Variants in PDE1C observed in about 807,000 individuals in gnomAD.
The protein encoded by PDE1C is dual specificity calcium/calmodulin-dependent 3',5'-cyclic nucleotide phosphodiesterase 1C.
In PDE1C, 62 loss-of-function variants were observed where a neutral mutation model predicts 93.1. That is an observed-to-expected ratio of 0.67 (90% CI 0.54 to 0.82). The LOEUF (loss-of-function observed/expected upper bound fraction) is 0.82. Among genes scored for constraint, PDE1C ranks in the 40% least tolerant of loss-of-function variants. The pLI is 0.00. For missense variants in PDE1C, 742 were observed against 884.6 expected, an observed-to-expected ratio of 0.84 and a Z score of 2.04; for synonymous variants, 325 against 310.1, an observed-to-expected ratio of 1.05 and a Z score of -0.50.
intron 1 of PDE1C, among the ~76,000 whole-genome samples, chr7:32,390,400 G>A (rs1210629324): frequency 1.3e-5 from 2 of 152,106 alleles, no homozygotes; most frequent in Non-Finnish European, 1.5e-5. Context: ...ACCTGGGGGC[G>A]CTACTGGCAT....
chr7:32,086,250 C>T (rs1243069685), intron 3 of PDE1C, among the ~76,000 whole-genome samples: 7 of 149,180 alleles, frequency 4.7e-5, no homozygotes, highest in Admixed American at 4.7e-4. Context: ...AACTCCCATT[C>T]ACAATTGCTT....
chr7:31,895,562 A>G (rs1799181407), intron 2 of PDE1C, among the ~76,000 whole-genome samples: 1 of 143,560 alleles, frequency 7.0e-6, no homozygotes, highest in Non-Finnish European at 1.5e-5. Context: ...GAATTGGATT[A>G]TTATTAGTTT....
chr7:31,946,912 T>C lies in PDE1C; in HGVS notation c.129-66052A>G, dbSNP rs1216823446. 2.0e-5 allele frequency among the ~76,000 whole-genome samples: 3 copies of C among 152,212 alleles called. No homozygotes were observed. The East Asian group carries it at 5.8e-4, about 29-fold the overall frequency. ...ATTTTCTGTTGAAGGCAGAACACAC[T>C]GTATCAGGCAGGAGGAACTGAAGTA... On this transcript the variant is annotated intron_variant, in intron 2 of 17. Transcript: ENST00000396191.
intron 1 of PDE1C, among the ~76,000 whole-genome samples, chr7:32,373,457 G>A (rs115393903): frequency 0.01 from 1,597 of 152,300 alleles, 18 homozygotes; most frequent in African/African-American, 0.036. Flanking sequence ...CCTAGAGCAG[G>A]TATAGGGAGA....
intron 16 of PDE1C, among the ~76,000 whole-genome samples, chr7:31,791,255 G>A (rs781123442): frequency 6.6e-6 from 1 of 152,084 alleles, no homozygotes; most frequent in Non-Finnish European, 1.5e-5. Flanking sequence ...GCTTCCTGCT[G>A]TTCCTCTAAC....
At chr7:31,971,831 G>A (rs183123968) in intron 2 of PDE1C, among the ~76,000 whole-genome samples, 2 of 152,322 alleles carry the variant, frequency 1.3e-5, no homozygotes, top group East Asian at 1.9e-4. Flanking sequence ...TCCAACAGGA[G>A]ATCCCTCTCT....
At chr7:32,329,269 T>C (rs1451837173) in intron 1 of PDE1C, among the ~76,000 whole-genome samples, 1 of 152,120 alleles carries the variant, frequency 6.6e-6, no homozygotes, top group African/African-American at 2.4e-5. Flanking sequence ...AGACCTAAGT[T>C]AAGCAGCTCT....
chr7:32,147,984 T>TAAAAAAAAAAACAAAAAAAA (rs1801003554), intron 3 of PDE1C, among the ~76,000 whole-genome samples: 1 of 79,730 alleles, frequency 1.3e-5, no homozygotes, highest in Non-Finnish European at 2.2e-5. Flanking sequence ...CCATTTATGC[T>TAAAAAAAAAAACAAAAAAAA]AAAAAAAAAA....
chr7:31,616,845 TCCAAACCTCTCTTAACAGATACCAGATAC>T, the PDE1C span, among the ~76,000 whole-genome samples: 8 of 151,602 alleles, frequency 5.3e-5, no homozygotes, highest in Non-Finnish European at 1.0e-4. Flanking sequence ...TTATCAGATA[TCCAAACCTCTCTTAACAGATACCAGATAC>T]CCAAACCTCT....
At chr7:32,169,437 T>C (rs929111485) in intron 3 of PDE1C, among the ~76,000 whole-genome samples, 23 of 152,166 alleles carry the variant, frequency 1.5e-4, no homozygotes, top group Admixed American at 1.3e-4. Context: ...TCCCAACACG[T>C]GCTTTTTCTC....
At chr7:31,852,189 TAAAC>T (rs1470344738) in intron 7 of PDE1C, among the ~76,000 whole-genome samples, 1 of 152,058 alleles carries the variant, frequency 6.6e-6, no homozygotes, top group African/African-American at 2.4e-5. Context: ...AAGGGGAAAA[TAAAC>T]AAATGACATA....
the PDE1C span, chr7:31,643,164 G>A: frequency 1.2e-6 from 2 of 1,613,902 alleles, no homozygotes; most frequent in Non-Finnish European, 1.7e-6. Flanking sequence ...AGTCTCAAAG[G>A]TCACCTGGAA....
intron 3 of PDE1C, among the ~76,000 whole-genome samples, chr7:32,118,510 T>C (rs571787209): frequency 1.3e-5 from 2 of 152,350 alleles, no homozygotes; most frequent in South Asian, 2.1e-4. Flanking sequence ...TATAGTCTTG[T>C]TCCTGCTGCT....
intron 2 of PDE1C, among the ~76,000 whole-genome samples, chr7:32,033,200 G>A (rs988742384): frequency 5.9e-5 from 9 of 152,052 alleles, no homozygotes; most frequent in African/African-American, 1.7e-4. Flanking sequence ...TCCTAGAGGC[G>A]TGATGCTCTG....
intron 1 of PDE1C, among the ~76,000 whole-genome samples, chr7:32,268,771 G>A (rs1810777696): frequency 6.6e-6 from 1 of 152,138 alleles, no homozygotes; most frequent in Non-Finnish European, 1.5e-5. Flanking sequence ...CAAAAAATAT[G>A]CCTCTTTTCA....
intron 2 of PDE1C, among the ~76,000 whole-genome samples, chr7:31,917,948 A>G (rs1802135959): frequency 6.6e-6 from 1 of 152,174 alleles, no homozygotes; most frequent in African/African-American, 2.4e-5. Context: ...ACTAGAGTAA[A>G]TAATATTGAG....
chr7:32,398,534 G>T (rs997476747), intron 1 of PDE1C, among the ~76,000 whole-genome samples: 1 of 151,458 alleles, frequency 6.6e-6, no homozygotes, highest in Non-Finnish European at 1.5e-5. Flanking sequence ...GATTACAGGT[G>T]CATGCCACCA....
chr7:32,172,907 T>A (rs1334561845), intron 2 of PDE1C, among the ~76,000 whole-genome samples: 2 of 150,828 alleles, frequency 1.3e-5, no homozygotes, highest in Non-Finnish European at 2.9e-5. Context: ...ACACTGTTGG[T>A]TGGAGTGTAA....
At chr7:32,360,483 C>T (rs1427277371) in intron 1 of PDE1C, among the ~76,000 whole-genome samples, 5 of 152,002 alleles carry the variant, frequency 3.3e-5, no homozygotes, top group African/African-American at 1.2e-4. Context: ...CAAAGGGAAG[C>T]GGTGGAGAGT....
Sources: gnomAD v4.1 joint callset for allele counts (sites outside exome capture counted in the v4.1 genomes callset) on GRCh38, gnomAD v4.1.1 for gene constraint, MANE v1.5 for transcripts, NCBI Gene and HGNC (gene_info 2026-07-23, HGNC 2026-07-21) for gene names.